Variants in NSDHL observed in about 807,000 individuals in gnomAD.
NSDHL encodes NAD(P) dependent 3-beta-hydroxysteroid dehydrogenase NSDHL, also known as sterol-4-alpha-carboxylate 3-dehydrogenase, decarboxylating.
A neutral mutation model predicts 23.0 loss-of-function variants in NSDHL; 1 was observed. The observed-to-expected ratio is 0.04, with a 90% CI of 0.02 to 0.21. The LOEUF is 0.21. Ranked by LOEUF, NSDHL falls within the 10% of genes least tolerant of loss-of-function variation. The pLI is 1.00. For synonymous variants in NSDHL, 128 were observed against 121.1 expected, an observed-to-expected ratio of 1.06 and a Z score of -0.37; for missense variants, 237 against 300.9, an observed-to-expected ratio of 0.79 and a Z score of 1.57.
At chrX:152,846,982 G>C (rs1475640117) in intron 2 of NSDHL, among the ~76,000 whole-genome samples, 1 of 112,469 alleles carries the variant, frequency 8.9e-6, no homozygotes, top group Non-Finnish European at 1.9e-5. Context: ...GGTTTGCTTT[G>C]ATTGATTCTT....
chrX:152,856,782 G>C (rs1215355504), intron 3 of NSDHL, among the ~76,000 whole-genome samples: 1 of 113,058 alleles, frequency 8.8e-6, no homozygotes, highest in Non-Finnish European at 1.9e-5. Context: ...CGTGGGCTGG[G>C]TGCAGGGCTA....
chrX:152,861,074 T>G (rs1368919074), intron 4 of NSDHL, among the ~76,000 whole-genome samples: 2 of 112,539 alleles, frequency 1.8e-5, no homozygotes, highest in Non-Finnish European at 3.8e-5. Context: ...TGGGTAAGAG[T>G]GCAGAAAGTG....
chrX:152,865,461 T>C (rs1026890430), intron 5 of NSDHL, among the ~76,000 whole-genome samples: 6 of 112,982 alleles, frequency 5.3e-5, no homozygotes, highest in Non-Finnish European at 9.4e-5. Flanking sequence ...GCCAGAACCT[T>C]TGGACGTTTT....
chrX:152,862,090 C>T (rs916204713), intron 4 of NSDHL, among the ~76,000 whole-genome samples: 29 of 112,609 alleles, frequency 2.6e-4, no homozygotes, highest in Admixed American at 1.4e-3. Context: ...TGGGGACCCT[C>T]ATAAGAGAAT....
At chrX:152,863,306 A>C (rs1408174575) in intron 5 of NSDHL, among the ~76,000 whole-genome samples, 1 of 112,117 alleles carries the variant, frequency 8.9e-6, no homozygotes, top group Non-Finnish European at 1.9e-5. Context: ...TGGTGCACAG[A>C]TGCACAGAGA....
At position 152,868,974 on chromosome X, in the gene NSDHL, T is replaced by C. The variant is rs1556848518; in HGVS notation, c.980T>C (p.Met327Thr). Residue 327 changes from methionine to threonine, a missense_variant, in exon 8 of 8, where the codon ATG becomes ACG. Transcript: ENST00000370274. ...CAGCTGCAGCCCACCTTCACACCCA[T>C]GCGGGTCGCACTGGCTGGCACATTC... ...VIQLQPTFTP[M>T]RVALAGTFHY... 5 of 1,210,269 alleles carry C rather than the reference T, an allele frequency of 4.1e-6. No individual in the cohort carries two copies. Among genetic ancestry groups the C allele is most frequent in the Admixed American group, 2.2e-5 (1 of 45,839 alleles).
Position 152,867,662 on chromosome X carries a change from C to G in NSDHL, c.778C>G (p.Leu260Val). The change falls in exon 7 of 8, where the codon CTG (leucine) becomes GTG (valine). Residue 260 changes from leucine to valine, a missense_variant. Physicochemically the swap from Leu to Val is conservative, Grantham distance 32 (BLOSUM62 1). Transcript: ENST00000370274. ...AAEQLSRDST[L>V]GGKAFHITND... Reference sequence around the variant, plus strand: ...AGAGCAGCTCTCCCGAGACTCGACACTGGGTGGGAAGGTAAGGCCTGCTGC... The same window carrying G: ...AGAGCAGCTCTCCCGAGACTCGACAGTGGGTGGGAAGGTAAGGCCTGCTGC... 8.4e-7 allele frequency: 1 copy of G among 1,196,793 alleles called. No homozygotes were observed.
Position 152,869,088 on chromosome X carries a change from G to A in NSDHL, c.1094G>A (p.Ser365Asn). The part of the protein sequence containing the change: ...MDDAMERTVQ[S>N]FRHLRRVK The stretch of plus-strand genomic sequence containing the variant: ...GATGCTATGGAGAGGACCGTGCAGA[G>A]CTTTCGCCACCTGCGGAGGGTCAAG... Residue 365 changes from serine to asparagine, a missense_variant, in exon 8 of 8, where the codon AGC (serine) becomes AAC (asparagine). Physicochemically the swap from Ser to Asn is conservative, Grantham distance 46. This residue lies in a region of NSDHL where 117 missense variants were observed against 99.5 expected (regional missense o/e 1.18). Transcript: ENST00000370274. 8.3e-7 allele frequency: 1 copy of A among 1,211,826 alleles called. No individual in the cohort carries two copies. The highest frequency in any genetic ancestry group is 1.1e-6 in the Non-Finnish European group (1 of 895,241).
intron 4 of NSDHL, among the ~76,000 whole-genome samples, chrX:152,860,909 A>G (rs1602939068): frequency 8.9e-6 from 1 of 112,173 alleles, no homozygotes; most frequent in Middle Eastern, 4.6e-3. Flanking sequence ...TAAGCAATAT[A>G]AAGTATTGGA....
chrX:152,852,849 G>A (rs1933379144), intron 3 of NSDHL, among the ~76,000 whole-genome samples: 1 of 110,513 alleles, frequency 9.0e-6, no homozygotes, highest in Non-Finnish European at 1.9e-5. Flanking sequence ...ATATCTGGTG[G>A]TTGAATCTCA....
intron 1 of NSDHL, among the ~76,000 whole-genome samples, chrX:152,844,081 G>A (rs782800547): frequency 8.9e-6 from 1 of 111,939 alleles, no homozygotes; most frequent in South Asian, 3.7e-4. Context: ...CCCAAGAGGA[G>A]GCATAGGCAG....
intron 3 of NSDHL, among the ~76,000 whole-genome samples, chrX:152,851,755 G>A (rs782229686): frequency 9.0e-6 from 1 of 110,546 alleles, no homozygotes; most frequent in South Asian, 3.9e-4. Flanking sequence ...ACCCACAGCC[G>A]CCTGCTCCCC....
chrX:152,868,651 A>G (rs1057416132), intron 7 of NSDHL, 133 bp from the exon 8 acceptor site: 10 of 585,283 alleles, frequency 1.7e-5, no homozygotes, highest in Middle Eastern at 3.4e-4. Context: ...CAGTTGTGCA[A>G]TTGAGGGCAG....
chrX:152,852,824 G>A, intron 3 of NSDHL, among the ~76,000 whole-genome samples: 1 of 110,400 alleles, frequency 9.1e-6, no homozygotes, highest in South Asian at 3.9e-4. Context: ...TGCCACCAGG[G>A]ACCTTGAGGC....
At chrX:152,868,260 C>G (rs1317540656) in intron 7 of NSDHL, among the ~76,000 whole-genome samples, 1 of 109,407 alleles carries the variant, frequency 9.1e-6, no homozygotes, top group Non-Finnish European at 1.9e-5. Context: ...GCCTGAGCCT[C>G]CCGAGTAGCT....
chrX:152,832,580 T>G (rs1556843544), intron 1 of NSDHL, among the ~76,000 whole-genome samples: 1 of 112,122 alleles, frequency 8.9e-6, no homozygotes. Context: ...GCCTGGCCTG[T>G]GATCCCTCTG....
chrX:152,834,915 C>G (rs193110348), intron 1 of NSDHL, among the ~76,000 whole-genome samples: 28 of 112,701 alleles, frequency 2.5e-4, no homozygotes, highest in Admixed American at 2.4e-3. Flanking sequence ...CTCTCAGTGG[C>G]CACATTCTAG....
rs141068024 is a variant in NSDHL, at chrX:152,867,634, G to A, written c.750G>A (p.Ala250=). 3.7e-4 allele frequency: 445 copies of A among 1,208,103 alleles called. 2 individuals are homozygous for A. The African/African-American group carries it at 6.4e-3, about 17-fold the overall frequency. Residue 250 remains alanine (A), a synonymous_variant, in exon 7 of 8, where the codon GCG becomes GCA. Coordinates refer to ENST00000370274, the MANE Select transcript of NSDHL (RefSeq NM_015922.3). ...ACGTGGTCCATGGACACATCCTGGC[G>A]GCAGAGCAGCTCTCCCGAGACTCGA... The part of the protein sequence containing the change: ...VENVVHGHIL[A]AEQLSRDSTL...
At chrX:152,865,686 C>T (rs1395026469) in intron 5 of NSDHL, 133 bp from the exon 6 acceptor site, 1 of 821,965 alleles carries the variant, frequency 1.2e-6, no homozygotes, top group Non-Finnish European at 1.8e-6. Flanking sequence ...GACCACTGCT[C>T]AGTGGCCACA....
Sources: allele counts gnomAD v4.1 joint callset (sites outside exome capture counted in the v4.1 genomes callset), GRCh38; gene constraint gnomAD v4.1.1; regional missense constraint gnomAD v4.1.1; transcripts MANE v1.5; gene names NCBI Gene and HGNC (gene_info 2026-07-23, HGNC 2026-07-21).